MYO18A: variants seen among roughly 807,000 people sequenced by gnomAD.
The protein encoded by MYO18A is unconventional myosin-XVIIIa.
In MYO18A, 78 loss-of-function variants were observed where a neutral mutation model predicts 235.8. The observed-to-expected ratio is 0.33, with a 90% CI of 0.28 to 0.40. The LOEUF (loss-of-function observed/expected upper bound fraction) is 0.40, where lower values mean the gene tolerates loss of function less well. Among genes scored for constraint, MYO18A ranks in the 10% least tolerant of loss-of-function variants. The pLI is 1.00. For synonymous variants in MYO18A, 977 were observed against 1,077.8 expected (o/e 0.91, Z 1.83); for missense variants, 2,215 against 2,699.3 (o/e 0.82, Z 3.98).
chr17:29,093,481 G>A (rs2066449863), intron 31 of MYO18A, 54 bp from the exon 32 acceptor site: 1 of 1,363,928 alleles, frequency 7.3e-7, no homozygotes, highest in South Asian at 1.2e-5. Flanking sequence ...CTGGTGCGAA[G>A]CAGGCCCCTT....
rs1237839123 is a variant in MYO18A, at chr17:29,089,859, AGGACTGTCCGGG to A, written c.5526+90_5526+101del. ...CCTGGCAGTGAGGCACAGGCCTCTG[AGGACTGTCCGGG>A]GGCCTGTCCAGCCCTGCTGAGCATG... On this transcript the variant is annotated intron_variant, in intron 37 of 41. Transcript: ENST00000527372. 6.2e-5 allele frequency: 92 copies of A among 1,477,598 alleles called. No homozygotes were observed. The South Asian group carries it at 8.6e-4, about 14-fold the overall frequency. The allele number at this position is 1,477,598 out of a possible 1,614,324, so 91.5% of individuals were successfully genotyped here.
rs765981667 is a variant in MYO18A at position 29,098,868 on chromosome 17, G to A, written c.3738C>T (p.Leu1246=). 1 of 1,613,962 alleles carries A rather than the reference G, an allele frequency of 6.2e-7. No individual in the cohort carries two copies. Among genetic ancestry groups the A allele is most frequent in the Non-Finnish European group, 8.5e-7 (1 of 1,179,876 alleles). The stretch of plus-strand genomic sequence containing the variant: ...GCTCCTCTGACAGCTGTACTTCGAT[G>A]AGGGGCCTCACTGTGGTAAAAAGCT... ...WWKLFTTVRP[L]IEVQLSEEQI... The change falls in exon 23 of 42, where the codon CTC becomes CTT. Residue 1246 remains leucine, a synonymous_variant. Transcript: ENST00000527372.
rs771919597 is a variant in MYO18A, at chr17:29,118,216, C to T, written c.1894-27G>A. 1.1e-5 allele frequency: 18 copies of T among 1,589,864 alleles called. No individual in the cohort carries two copies. In the South Asian group the frequency reaches 1.9e-4, roughly 17 times the overall value. On this transcript the variant is annotated intron_variant, in intron 9 of 41. Coordinates refer to ENST00000527372, the MANE Select transcript of MYO18A (RefSeq NM_078471.4). This position sits in a 1 kb window ranked among gnomAD's most constrained non-coding sequence, Gnocchi z 4.2. ...TGTGGAGATAGATGACCTCAAAGGG[C>T]TGTCCCTCCCAGCACACCCCCATGA...
chr17:29,093,345 T>C lies in MYO18A; in HGVS notation c.4904A>G (p.Lys1635Arg), dbSNP rs2066446037. The C allele has an allele frequency of 1.2e-6, 2 of 1,612,246 alleles. No individual in the cohort carries two copies. The highest frequency in any genetic ancestry group is 8.5e-7 in the Non-Finnish European group (1 of 1,179,676). Residue 1635 changes from lysine to arginine, a missense_variant, in exon 32 of 42, where the codon AAG becomes AGG. Lys to Arg is a conservative substitution (Grantham distance 26). Coordinates refer to ENST00000527372, the MANE Select transcript of MYO18A (RefSeq NM_078471.4). ...GACCTGGTCGCTGAGGGTGGCGAGCTTGCCCTCCAGCTCCCGCTTCTCTCG... is the reference window on the plus strand; with the variant it reads ...GACCTGGTCGCTGAGGGTGGCGAGCCTGCCCTCCAGCTCCCGCTTCTCTCG... ...VLREKRELEG[K>R]LATLSDQVNR... is the part of the protein sequence containing the mutation.
intron 2 of MYO18A, among the ~76,000 whole-genome samples, chr17:29,129,915 C>G (rs1035337501): frequency 1.6e-4 from 25 of 152,228 alleles, no homozygotes; most frequent in African/African-American, 5.8e-4. Flanking sequence ...CAGGGCACTG[C>G]AGAGTTGGCC....
chr17:29,095,332 G>A (rs1416486732), intron 28 of MYO18A, among the ~76,000 whole-genome samples: 2 of 152,204 alleles, frequency 1.3e-5, no homozygotes, highest in Admixed American at 6.5e-5. Flanking sequence ...TGCTTAACAG[G>A]CCCCCTCAGG....
At chr17:29,146,664 A>C (rs2067855579) in intron 2 of MYO18A, among the ~76,000 whole-genome samples, 1 of 152,242 alleles carries the variant, frequency 6.6e-6, no homozygotes, top group Admixed American at 6.5e-5. Context: ...CTATCCACAC[A>C]ACTAGAACCT....
chr17:29,113,012 G>C (rs1409807595), intron 15 of MYO18A, among the ~76,000 whole-genome samples: 2 of 152,248 alleles, frequency 1.3e-5, no homozygotes, highest in African/African-American at 4.8e-5. Context: ...GACCACAGAA[G>C]AGAAAGGAGA....
At chr17:29,174,626 C>A (rs558956924) in intron 1 of MYO18A, among the ~76,000 whole-genome samples, 28 of 152,208 alleles carry the variant, frequency 1.8e-4, no homozygotes, top group African/African-American at 6.3e-4. Context: ...ACTAGCCTGG[C>A]CAACATGGTG....
intron 2 of MYO18A, among the ~76,000 whole-genome samples, chr17:29,123,389 G>A (rs1450545884): frequency 6.6e-6 from 1 of 152,250 alleles, no homozygotes; most frequent in African/African-American, 2.4e-5. Context: ...GGCACAGTCA[G>A]CCTGAAACCT....
At chr17:29,177,493 C>A (rs2068558794) in intron 1 of MYO18A, among the ~76,000 whole-genome samples, 1 of 152,150 alleles carries the variant, frequency 6.6e-6, no homozygotes, top group Admixed American at 6.5e-5. Context: ...CTGCTCACCA[C>A]CCCTCCCAAT....
chr17:29,111,088 G>A lies in MYO18A; in HGVS notation c.2900+336C>T, dbSNP rs945629308. ...ATCTGCCAAGCACCTAGAAGCCCCT[G>A]TCGCAGGGTAGGTGCCCACTAACCA... On this transcript the variant is annotated intron_variant, in intron 17 of 41. Coordinates refer to ENST00000527372, the MANE Select transcript of MYO18A (RefSeq NM_078471.4). The surrounding 1 kb of genome is among the most constrained non-coding windows in gnomAD (Gnocchi z 5.1). Among the ~76,000 whole-genome samples the A allele has an allele frequency of 1.3e-5, 2 of 152,222 alleles. No homozygotes were observed. The highest frequency in any genetic ancestry group is 2.9e-5 in the Non-Finnish European group (2 of 68,030).
chr17:29,085,600 TCA>T lies in MYO18A; in HGVS notation c.5897+2_5897+3del, dbSNP rs2152735806. 1.9e-6 allele frequency: 3 copies of T among 1,613,924 alleles called. No homozygotes were observed. Among genetic ancestry groups the T allele is most frequent in the Admixed American group, 1.7e-5 (1 of 60,022 alleles). On this transcript the variant is annotated splice_donor_variant and splice_donor_region_variant and intron_variant, in intron 40 of 41. Coordinates refer to ENST00000527372, the MANE Select transcript of MYO18A (RefSeq NM_078471.4). LOFTEE classifies it high-confidence loss of function. ...GCAGAGAGCACATGCGCTCCAGTCC[TCA>T]CAGTTTATTCTTTCTTTTCTGATAC...
At chr17:29,089,043 C>G (rs2066327922) in intron 37 of MYO18A, among the ~76,000 whole-genome samples, 1 of 97,510 alleles carries the variant, frequency 1.0e-5, no homozygotes, top group Non-Finnish European at 1.9e-5. Context: ...GAGACCCTAT[C>G]TCAAAAAAAA....
intron 11 of MYO18A, among the ~76,000 whole-genome samples, 163 bp downstream of exon 11, chr17:29,116,281 T>G (rs1419102801): frequency 6.6e-6 from 1 of 152,118 alleles, no homozygotes; most frequent in Non-Finnish European, 1.5e-5. Flanking sequence ...TCTTGCCCCC[T>G]GGCATCTGCC....
chr17:29,113,924 G>C, intron 15 of MYO18A, 87 bp downstream of exon 15: 1 of 1,079,782 alleles, frequency 9.3e-7, no homozygotes, highest in South Asian at 1.4e-5. Flanking sequence ...ACCCCCAGCA[G>C]CAGCTCAGAT....
At position 29,092,814 on chromosome 17, in the gene MYO18A, C is replaced by T. The variant is rs374610113; in HGVS notation, c.5073+41G>A. 39 of 1,607,366 alleles carry T rather than the reference C, an allele frequency of 2.4e-5. No individual in the cohort carries two copies. In the African/African-American group the frequency reaches 4.7e-4, roughly 19 times the overall value. On this transcript the variant is annotated intron_variant, in intron 33 of 41. Coordinates refer to ENST00000527372, the MANE Select transcript of MYO18A (RefSeq NM_078471.4). ...GAGAGAAAGAGAATGGAAAGGTAAG[C>T]TCTGTTGTGCCTGGATCAGCCGTGT... is the stretch of plus-strand genomic sequence containing the variant.
Position 29,115,715 on chromosome 17 carries a change from A to AGC in MYO18A, c.2174_2175dup (p.Ser726AlafsTer22). 6.2e-7 allele frequency: 1 copy of AGC among 1,605,844 alleles called. No homozygotes were observed. ...TCGGGGCCCTGGCGGAAGGAGGTGGAGCGCTGCAGGGTGCCACCCTTGTGC... is the reference window on the plus strand; with the variant it reads ...TCGGGGCCCTGGCGGAAGGAGGTGGAGCGCGCTGCAGGGTGCCACCCTTGTGC... On this transcript the variant is annotated frameshift_variant, in exon 12 of 42. Coordinates refer to ENST00000527372, the MANE Select transcript of MYO18A (RefSeq NM_078471.4). LOFTEE classifies it high-confidence loss of function.
At chr17:29,092,312 G>A (rs757429029) in intron 34 of MYO18A, 31 bp downstream of exon 34, 12 of 1,559,210 alleles carry the variant, frequency 7.7e-6, no homozygotes, top group South Asian at 1.1e-5. Context: ...TCAGCCCCCC[G>A]AGCTCTGCCC....
Sources: allele counts gnomAD v4.1 joint callset (sites outside exome capture counted in the v4.1 genomes callset), GRCh38; gene constraint gnomAD v4.1.1; non-coding constraint Gnocchi (gnomAD v3.1); transcripts MANE v1.5; gene names NCBI Gene and HGNC (gene_info 2026-07-23, HGNC 2026-07-21).